Variants in TMEM45A observed in about 807,000 individuals in gnomAD.
The protein encoded by TMEM45A is DNA polymerase-transactivated protein 4.
A neutral mutation model predicts 32.0 loss-of-function variants in TMEM45A; 25 were observed. That is an observed-to-expected ratio of 0.78 (90% confidence interval 0.57 to 1.09). TMEM45A has a LOEUF of 1.09. Among genes scored for constraint, TMEM45A ranks in the 50% least tolerant of loss-of-function variants. The pLI, the probability that TMEM45A is intolerant of heterozygous loss-of-function variation, is 0.00. For synonymous variants in TMEM45A, 122 were observed against 114.8 expected, an observed-to-expected ratio of 1.06 and a Z score of -0.40; for missense variants, 302 against 325.0, an observed-to-expected ratio of 0.93 and a Z score of 0.54.
At chr3:100,523,525 T>A (rs1174216884) in intron 1 of TMEM45A, among the ~76,000 whole-genome samples, 2 of 152,168 alleles carry the variant, frequency 1.3e-5, no homozygotes, top group African/African-American at 4.8e-5. Context: ...GCATGAGAAA[T>A]TCCATTGGGT....
intron 4 of TMEM45A, among the ~76,000 whole-genome samples, chr3:100,562,670 T>C (rs1706358656): frequency 6.6e-6 from 1 of 152,238 alleles, no homozygotes; most frequent in South Asian, 2.1e-4. Flanking sequence ...TGAATCTGTA[T>C]GCTAGCTTTA....
intron 1 of TMEM45A, among the ~76,000 whole-genome samples, chr3:100,527,678 G>C (rs1356205707): frequency 6.6e-6 from 1 of 152,194 alleles, no homozygotes; most frequent in African/African-American, 2.4e-5. Context: ...TGAGAAGAAA[G>C]ATATACCAGT....
intron 1 of TMEM45A, among the ~76,000 whole-genome samples, chr3:100,515,775 A>G (rs2148942633): frequency 6.6e-6 from 1 of 152,292 alleles, no homozygotes; most frequent in South Asian, 2.1e-4. Context: ...TCTTACTAAT[A>G]CATGAGAGCT....
At chr3:100,575,730 T>C (rs905815819) in intron 5 of TMEM45A, among the ~76,000 whole-genome samples, 1 of 152,196 alleles carries the variant, frequency 6.6e-6, no homozygotes, top group Non-Finnish European at 1.5e-5. Context: ...TTGAGCTTCT[T>C]AATTCATCAT....
chr3:100,536,450 G>C (rs76986976), intron 1 of TMEM45A, among the ~76,000 whole-genome samples: 1,927 of 152,266 alleles, frequency 0.013, 107 homozygotes, highest in Admixed American at 0.1. Flanking sequence ...TAAAAGATAA[G>C]TTCCATGAGA....
At chr3:100,534,635 A>C (rs1705707574) in intron 1 of TMEM45A, among the ~76,000 whole-genome samples, 1 of 152,012 alleles carries the variant, frequency 6.6e-6, no homozygotes, top group South Asian at 2.1e-4. Context: ...CAGACTTCTG[A>C]CCTCTAGAAC....
chr3:100,566,785 T>TTA (rs1405272520), intron 4 of TMEM45A, among the ~76,000 whole-genome samples: 1 of 152,168 alleles, frequency 6.6e-6, no homozygotes, highest in African/African-American at 2.4e-5. Context: ...TTATTGACCA[T>TTA]TTGTATATTT....
chr3:100,515,547 G>A (rs1295904411), intron 1 of TMEM45A, among the ~76,000 whole-genome samples: 1 of 151,058 alleles, frequency 6.6e-6, no homozygotes, highest in Non-Finnish European at 1.5e-5. Context: ...GTTAGTGGGT[G>A]CAGCGCACCA....
chr3:100,552,092 A>T (rs1446188132), intron 1 of TMEM45A, among the ~76,000 whole-genome samples: 1 of 152,214 alleles, frequency 6.6e-6, no homozygotes, highest in Non-Finnish European at 1.5e-5. Flanking sequence ...TATCTATGAC[A>T]TAGGCAATAT....
At chr3:100,554,988 TA>T (rs1435804667) in intron 1 of TMEM45A, among the ~76,000 whole-genome samples, 1 of 152,188 alleles carries the variant, frequency 6.6e-6, no homozygotes, top group Non-Finnish European at 1.5e-5. Context: ...GAGTACATGG[TA>T]AGTATTCAAC....
intron 1 of TMEM45A, among the ~76,000 whole-genome samples, chr3:100,535,590 C>A (rs556093619): frequency 1.3e-5 from 2 of 152,218 alleles, no homozygotes; most frequent in Non-Finnish European, 2.9e-5. Flanking sequence ...TCTAATTGGC[C>A]AGCTCTTTCA....
intron 5 of TMEM45A, chr3:100,574,398 T>A: frequency 6.6e-6 from 1 of 152,182 alleles, no homozygotes; most frequent in Non-Finnish European, 1.5e-5. Context: ...TAGAAAATCC[T>A]GAAGAAATGG....
chr3:100,560,273 T>C, intron 4 of TMEM45A, among the ~76,000 whole-genome samples: 1 of 151,980 alleles, frequency 6.6e-6, no homozygotes, highest in Admixed American at 6.6e-5. Flanking sequence ...TTTTTTTTTT[T>C]TGAGTTAGAT....
intron 1 of TMEM45A, among the ~76,000 whole-genome samples, chr3:100,534,272 T>C (rs2148959510): frequency 6.6e-6 from 1 of 152,318 alleles, no homozygotes; most frequent in Non-Finnish European, 1.5e-5. Flanking sequence ...ACAGATAATA[T>C]GTTACCTGAT....
intron 1 of TMEM45A, among the ~76,000 whole-genome samples, chr3:100,506,303 T>C (rs1374119172): frequency 6.6e-6 from 1 of 152,168 alleles, no homozygotes; most frequent in Non-Finnish European, 1.5e-5. Flanking sequence ...AGTATTAAAC[T>C]GCATCTAAGT....
At chr3:100,553,102 T>C (rs1347148960) in intron 1 of TMEM45A, among the ~76,000 whole-genome samples, 1 of 152,228 alleles carries the variant, frequency 6.6e-6, no homozygotes, top group Admixed American at 6.5e-5. Flanking sequence ...TATTTAACAG[T>C]ACTGTGGGTT....
intron 1 of TMEM45A, among the ~76,000 whole-genome samples, chr3:100,510,109 A>G (rs1708135457): frequency 6.6e-6 from 1 of 152,228 alleles, no homozygotes; most frequent in African/African-American, 2.4e-5. Flanking sequence ...AACTGGGTGG[A>G]GCCCACCACA....
At chr3:100,522,750 G>A (rs2148948968) in intron 1 of TMEM45A, among the ~76,000 whole-genome samples, 1 of 152,244 alleles carries the variant, frequency 6.6e-6, no homozygotes, top group South Asian at 2.1e-4. Context: ...TTCCCACTGG[G>A]GGCACACAGG....
chr3:100,515,743 C>G (rs947253191), intron 1 of TMEM45A, among the ~76,000 whole-genome samples: 3 of 151,876 alleles, frequency 2.0e-5, no homozygotes, highest in African/African-American at 7.3e-5. Flanking sequence ...AAGCCAGGCA[C>G]AGAAAGACAA....
Sources: allele counts gnomAD v4.1 joint callset (sites outside exome capture counted in the v4.1 genomes callset), GRCh38; gene constraint gnomAD v4.1.1; transcripts MANE v1.5; gene names NCBI Gene and HGNC (gene_info 2026-07-23, HGNC 2026-07-21).